The following CA6 variants were observed in gnomAD, a reference collection of about 807,000 sequenced individuals.
The protein encoded by CA6 is carbonate dehydratase VI.
CA6 carries 28 observed loss-of-function variants against 35.9 expected under a neutral mutation model. The observed-to-expected ratio is 0.78, with a 90% confidence interval of 0.58 to 1.07. The LOEUF is 1.07. Ranked by LOEUF, CA6 falls within the 50% of genes least tolerant of loss-of-function variation. The pLI is 0.00. For missense variants in CA6, 377 were observed against 382.0 expected (o/e 0.99, Z 0.11); for synonymous variants, 148 against 152.6 (o/e 0.97, Z 0.22).
chr1:8,953,058 G>C (rs1639583638), intron 2 of CA6, among the ~76,000 whole-genome samples: 1 of 152,112 alleles, frequency 6.6e-6, no homozygotes, highest in African/African-American at 2.4e-5. Flanking sequence ...CCTAAACCCT[G>C]GCAATCACTG....
intron 1 of CA6, 133 bp from the exon 2 acceptor site, chr1:8,949,130 G>T: frequency 1.7e-6 from 1 of 594,958 alleles, no homozygotes. Flanking sequence ...TGGGGGACCT[G>T]CTTCTGCTTT....
intron 7 of CA6, among the ~76,000 whole-genome samples, chr1:8,971,808 C>G (rs918914543): frequency 6.6e-6 from 1 of 152,228 alleles, no homozygotes. Context: ...GGCCAGCCTC[C>G]GCTGCATCCT....
chr1:8,959,917 G>A (rs1446572939), intron 4 of CA6, among the ~76,000 whole-genome samples: 3 of 103,156 alleles, frequency 2.9e-5, no homozygotes, highest in Admixed American at 2.3e-4. Context: ...GGGCAATAAA[G>A]CTAGATTCTA....
At chr1:8,957,076 C>T in intron 2 of CA6, 61 bp from the exon 3 acceptor site, 1 of 1,476,756 alleles carries the variant, frequency 6.8e-7, no homozygotes, top group Non-Finnish European at 9.1e-7. Flanking sequence ...GCTACCCAGC[C>T]TGTAGGCCTG....
intron 1 of CA6, among the ~76,000 whole-genome samples, chr1:8,946,953 A>G (rs1184567754): frequency 6.6e-6 from 1 of 151,556 alleles, no homozygotes; most frequent in Non-Finnish European, 1.5e-5. Context: ...ACAGGCACTC[A>G]TCACCATGCC....
At chr1:8,955,710 G>T (rs1639660681) in intron 2 of CA6, among the ~76,000 whole-genome samples, 1 of 151,202 alleles carries the variant, frequency 6.6e-6, no homozygotes, top group Admixed American at 6.6e-5. Flanking sequence ...TACATCTCAA[G>T]CTCTAAATAC....
intron 5 of CA6, 75 bp downstream of exon 5, chr1:8,962,731 G>A: frequency 7.7e-7 from 1 of 1,301,462 alleles, no homozygotes; most frequent in Non-Finnish European, 1.1e-6. Flanking sequence ...GGCCCAGGGG[G>A]CAGGGGATTG....
chr1:8,951,013 C>T (rs980613577), intron 2 of CA6, among the ~76,000 whole-genome samples: 6 of 151,868 alleles, frequency 4.0e-5, no homozygotes, highest in Non-Finnish European at 7.4e-5. Flanking sequence ...GTCAGGAGTT[C>T]GAGACTAGCC....
intron 2 of CA6, among the ~76,000 whole-genome samples, chr1:8,954,107 C>T (rs1021478933): frequency 2.6e-5 from 4 of 151,592 alleles, no homozygotes; most frequent in South Asian, 2.1e-4. Context: ...ACCATAAAAA[C>T]GGGCAACCAG....
intron 4 of CA6, among the ~76,000 whole-genome samples, chr1:8,960,556 G>A (rs948771107): frequency 6.6e-6 from 1 of 151,834 alleles, no homozygotes; most frequent in Non-Finnish European, 1.5e-5. Flanking sequence ...GAGTTGAAAA[G>A]TACAATAAAC....
intron 4 of CA6, among the ~76,000 whole-genome samples, chr1:8,959,647 T>C (rs1329992329): frequency 6.6e-6 from 1 of 150,422 alleles, no homozygotes; most frequent in Non-Finnish European, 1.5e-5. Context: ...GTCTAGATGG[T>C]GGGGCCGGGC....
intron 7 of CA6, among the ~76,000 whole-genome samples, chr1:8,972,540 C>T (rs57685070): frequency 0.015 from 2,278 of 152,088 alleles, 38 homozygotes; most frequent in African/African-American, 0.037. Context: ...GGCGAGGTGG[C>T]GGGCGCCTGT....
chr1:8,970,484 C>A (rs574235952), intron 6 of CA6, among the ~76,000 whole-genome samples: 2 of 152,170 alleles, frequency 1.3e-5, no homozygotes, highest in East Asian at 3.9e-4. Flanking sequence ...TAAATCCAAA[C>A]TCTAGCCCAG....
At chr1:8,962,237 T>A (rs112505195) in intron 4 of CA6, among the ~76,000 whole-genome samples, 3,771 of 137,798 alleles carry the variant, frequency 0.027, 171 homozygotes, top group African/African-American at 0.095. Flanking sequence ...GCAAGACTCT[T>A]AAAAAAAAAA....
In CA6 at chr1:8,963,605, G is replaced by A. The variant is rs1046179441; in HGVS notation, c.571+949G>A. Reference sequence around the variant, plus strand: ...TGCATAGGCTGGGGTGCAATGGCGCGATCATGGCTCAGTGCAGCCTCGACC... The same window carrying A: ...TGCATAGGCTGGGGTGCAATGGCGCAATCATGGCTCAGTGCAGCCTCGACC... On this transcript the variant is annotated intron_variant, in intron 5 of 7. Coordinates refer to ENST00000377443, the MANE Select transcript of CA6 (RefSeq NM_001215.4). The surrounding 1 kb of genome is among the most constrained non-coding windows in gnomAD (Gnocchi z 4.1). Among the ~76,000 whole-genome samples, 3 of 152,154 alleles carry A rather than the reference G, an allele frequency of 2.0e-5. No homozygotes were observed. Among genetic ancestry groups the A allele is most frequent in the African/African-American group, 7.2e-5 (3 of 41,416 alleles).
At chr1:8,952,189 T>C (rs1557621707) in intron 2 of CA6, 1 of 152,646 alleles carries the variant, frequency 6.6e-6, no homozygotes, top group Non-Finnish European at 1.5e-5. Flanking sequence ...CAGGCTGGAA[T>C]GCAGTGGCAT....
chr1:8,969,172 G>A lies in CA6; in HGVS notation c.729+1356G>A, dbSNP rs1225514497. Among the ~76,000 whole-genome samples the A allele has an allele frequency of 5.9e-5, 9 of 152,114 alleles. 1 individual carries two copies. Among genetic ancestry groups the A allele is most frequent in the South Asian group, 4.2e-4 (2 of 4,812 alleles). ...CTACTAAAGATACAAAAAATTAGCC[G>A]GGCATAGTGGTGTGAACCTATAATC... On this transcript the variant is annotated intron_variant, in intron 6 of 7. Coordinates refer to ENST00000377443, the MANE Select transcript of CA6 (RefSeq NM_001215.4).
chr1:8,951,522 A>T (rs769461343), intron 2 of CA6: 11 of 765,088 alleles, frequency 1.4e-5, no homozygotes, highest in African/African-American at 1.2e-4. Context: ...CCCTCCCTGG[A>T]CAGCTGGTGG....
chr1:8,971,760 G>A (rs1177737765), intron 7 of CA6, among the ~76,000 whole-genome samples: 1 of 152,208 alleles, frequency 6.6e-6, no homozygotes, highest in Non-Finnish European at 1.5e-5. Flanking sequence ...CTGGGGCGCA[G>A]GCCCCAGACC....
Sources: allele counts gnomAD v4.1 joint callset (sites outside exome capture counted in the v4.1 genomes callset), GRCh38; gene constraint gnomAD v4.1.1; non-coding constraint Gnocchi (gnomAD v3.1); transcripts MANE v1.5; gene names NCBI Gene and HGNC (gene_info 2026-07-23, HGNC 2026-07-21).